The following STAB2 variants were observed in gnomAD, a reference collection of about 807,000 sequenced individuals.
STAB2 encodes stabilin-2.
A neutral mutation model predicts 338.1 loss-of-function variants in STAB2; 288 were observed. That is an observed-to-expected ratio of 0.85 (90% CI 0.77 to 0.94). The LOEUF (loss-of-function observed/expected upper bound fraction) is 0.94. STAB2 is among the 40% of genes least tolerant of loss of function. STAB2 has a pLI of 0.00. For synonymous variants in STAB2, 1,202 were observed against 1,193.3 expected (o/e 1.01, Z -0.15); for missense variants, 3,141 against 3,210.1 (o/e 0.98, Z 0.52).
intron 3 of STAB2, among the ~76,000 whole-genome samples, chr12:103,605,942 C>T (rs1957022009): frequency 6.6e-6 from 1 of 151,868 alleles, no homozygotes; most frequent in Non-Finnish European, 1.5e-5. Flanking sequence ...ATATGACAGC[C>T]CATGTCTTTT....
chr12:103,654,499 C>T, intron 12 of STAB2, 56 bp from the exon 13 acceptor site: 1 of 1,555,012 alleles, frequency 6.4e-7, no homozygotes, highest in East Asian at 2.3e-5. Context: ...TACTCCAGTG[C>T]TTGCTCCTTC....
rs59684257 is a variant in STAB2, at chr12:103,683,331, TAAAAAA to T, written c.2901+42_2901+47del. 4 of 1,198,078 alleles carry T rather than the reference TAAAAAA, an allele frequency of 3.3e-6. No homozygotes were observed. The African/African-American group carries it at 4.9e-5, about 15-fold the overall frequency. 74.2% of individuals were successfully genotyped at this position (1,198,078 alleles called of 1,614,324 possible). ...TTATTTAACCTTGTTTTTCATTACT[TAAAAAA>T]AAAAAAAAAACAATGCTTGAGAAAG... On this transcript the variant is annotated intron_variant, in intron 26 of 68. Transcript: ENST00000388887.
intron 60 of STAB2, 60 bp downstream of exon 60, chr12:103,750,780 C>A: frequency 2.0e-6 from 3 of 1,536,040 alleles, no homozygotes; most frequent in Non-Finnish European, 1.8e-6. Flanking sequence ...GGGGAAGGGA[C>A]CCTCAAGGGA....
At chr12:103,680,043 T>C (rs1876756960) in intron 25 of STAB2, among the ~76,000 whole-genome samples, 1 of 152,132 alleles carries the variant, frequency 6.6e-6, no homozygotes, top group South Asian at 2.1e-4. Flanking sequence ...ACAAATACTG[T>C]GTGATTCCAC....
chr12:103,620,695 G>A (rs117746666), intron 4 of STAB2, 142 bp downstream of exon 4: 15,911 of 781,814 alleles, frequency 0.02, 210 homozygotes, highest in Middle Eastern at 0.029. Flanking sequence ...AAGCAGTGAA[G>A]GTATTAATTT....
chr12:103,752,486 G>A (rs937615078), intron 60 of STAB2, among the ~76,000 whole-genome samples: 3 of 152,188 alleles, frequency 2.0e-5, no homozygotes, highest in Non-Finnish European at 4.4e-5. Flanking sequence ...TTGAACTATT[G>A]CTGGTGTCTG....
At chr12:103,609,625 A>T (rs927050974) in intron 3 of STAB2, among the ~76,000 whole-genome samples, 4 of 152,138 alleles carry the variant, frequency 2.6e-5, no homozygotes, top group Non-Finnish European at 1.5e-5. Flanking sequence ...CAATCATGTC[A>T]TCTGCAAACA....
intron 42 of STAB2, among the ~76,000 whole-genome samples, chr12:103,714,164 A>G (rs1880113044): frequency 6.6e-6 from 1 of 152,038 alleles, no homozygotes; most frequent in African/African-American, 2.4e-5. Flanking sequence ...ATTTTTTTTT[A>G]ACAAAAATGG....
chr12:103,750,440 A>C, intron 59 of STAB2, 139 bp from the exon 60 acceptor site: 1 of 1,011,778 alleles, frequency 9.9e-7, no homozygotes, highest in Non-Finnish European at 1.5e-6. Context: ...CGTAGCAGTT[A>C]TTCCCACTGG....
chr12:103,620,653 ACGTG>A, intron 4 of STAB2, 100 bp downstream of exon 4: 288 of 906,658 alleles, frequency 3.2e-4, no homozygotes, highest in Non-Finnish European at 4.6e-4. Flanking sequence ...ACACACACAC[ACGTG>A]CACACACACA....
chr12:103,692,650 A>G (rs528776710), intron 30 of STAB2, among the ~76,000 whole-genome samples, 162 bp from the exon 31 acceptor site: 8 of 147,660 alleles, frequency 5.4e-5, no homozygotes, highest in South Asian at 2.2e-4. Flanking sequence ...AGAGAGAGAG[A>G]GGGGTCTATG....
Position 103,673,959 on chromosome 12 carries a change from C to G in STAB2, c.2424C>G (p.Ala808=), listed in dbSNP as rs1243682061. The G allele has an allele frequency of 6.2e-7, 1 of 1,614,016 alleles. No individual in the cohort carries two copies. Among genetic ancestry groups the G allele is most frequent in the Non-Finnish European group, 8.5e-7 (1 of 1,180,036 alleles). ...ATAACAGGATAGACAGCGATGGGGCCTGCCTCACTGGCACATGCAGAGACG... is the reference window on the plus strand; with the variant it reads ...ATAACAGGATAGACAGCGATGGGGCGTGCCTCACTGGCACATGCAGAGACG... ...TCNNRIDSDG[A]CLTGTCRDGS... is the part of the protein sequence containing the mutation. Residue 808 remains alanine, a synonymous_variant, in exon 23 of 69, where the codon GCC becomes GCG. Coordinates refer to ENST00000388887, the MANE Select transcript of STAB2 (RefSeq NM_017564.10).
At chr12:103,676,287 G>T (rs1375298480) in intron 24 of STAB2, among the ~76,000 whole-genome samples, 2 of 151,852 alleles carry the variant, frequency 1.3e-5, no homozygotes, top group African/African-American at 4.8e-5. Context: ...TGAAACTCCT[G>T]ACCTCGTGAT....
rs545366886 is a variant in STAB2 at position 103,603,196 on chromosome 12, G to A, written c.331+8686G>A. ...CACCATTCTCCTGTCTCAGCCTCCCGAGTAGCTGGGACTACAGGCACCCGC... is the reference window on the plus strand; with the variant it reads ...CACCATTCTCCTGTCTCAGCCTCCCAAGTAGCTGGGACTACAGGCACCCGC... On this transcript the variant is annotated intron_variant, in intron 3 of 68. Transcript: ENST00000388887. 2.1e-3 allele frequency among the ~76,000 whole-genome samples: 326 copies of A among 152,032 alleles called. 1 individual carries two copies. The highest frequency in any genetic ancestry group is 3.9e-3 in the Non-Finnish European group (267 of 67,956).
At chr12:103,631,466 T>C (rs1459655747) in intron 5 of STAB2, 132 bp from the exon 6 acceptor site, 2 of 759,402 alleles carry the variant, frequency 2.6e-6, no homozygotes, top group Non-Finnish European at 4.3e-6. Context: ...CTGGTGCTGA[T>C]AAAAGAGAGA....
Position 103,750,669 on chromosome 12 carries a change from G to A in STAB2, c.6529G>A (p.Asp2177Asn). Reference sequence around the variant, plus strand: ...GCTGCCCATTGACCGCTGCTTACAGGACAATGGGCAGTGCCATGCAGACGC... The same window carrying A: ...GCTGCCCATTGACCGCTGCTTACAGAACAATGGGCAGTGCCATGCAGACGC... ...EQLPIDRCLQ[D>N]NGQCHADAKC... is the part of the protein sequence containing the mutation. Residue 2177 changes from aspartate (D) to asparagine (N), a missense_variant, in exon 60 of 69, where the codon GAC becomes AAC. By Grantham distance (23) the Asp-to-Asn change is conservative (BLOSUM62 1). Transcript: ENST00000388887. The A allele has an allele frequency of 6.2e-7, 1 of 1,614,246 alleles. No homozygotes were observed. Among genetic ancestry groups the A allele is most frequent in the South Asian group, 1.1e-5 (1 of 91,084 alleles).
intron 24 of STAB2, among the ~76,000 whole-genome samples, chr12:103,676,622 G>T (rs1027540770): frequency 1.3e-5 from 2 of 152,202 alleles, no homozygotes; most frequent in Non-Finnish European, 2.9e-5. Flanking sequence ...ATCTAGGGGA[G>T]TCAAGTGACC....
Position 103,662,363 on chromosome 12 carries a change from G to A in STAB2, c.1870-483G>A, listed in dbSNP as rs375827754. 3.9e-5 allele frequency among the ~76,000 whole-genome samples: 6 copies of A among 152,170 alleles called. No homozygotes were observed. The East Asian group carries it at 1.2e-3, about 30-fold the overall frequency. ...TGGGTGGCAGGTTTATGAGGAAAGT[G>A]GAGATCAGAAATCTTTGCTAATTGG... On this transcript the variant is annotated intron_variant, in intron 17 of 68. Transcript: ENST00000388887.
chr12:103,631,498 T>C, intron 5 of STAB2, 100 bp from the exon 6 acceptor site: 2 of 1,156,756 alleles, frequency 1.7e-6, no homozygotes, highest in South Asian at 2.8e-5. Context: ...TCAAACAACA[T>C]GCAGAGTCTC....
Sources: gnomAD v4.1 joint callset for allele counts (sites outside exome capture counted in the v4.1 genomes callset) on GRCh38, gnomAD v4.1.1 for gene constraint, MANE v1.5 for transcripts, NCBI Gene and HGNC (gene_info 2026-07-23, HGNC 2026-07-21) for gene names.